The following KCNAB2 variants were observed in gnomAD, a reference collection of about 807,000 sequenced individuals.
The protein encoded by KCNAB2 is voltage-gated potassium channel subunit beta-2.
A neutral mutation model predicts 63.6 loss-of-function variants in KCNAB2; 29 were observed. The ratio of observed to expected loss-of-function variants is 0.46; its 90% confidence interval spans 0.34 to 0.62. The LOEUF is 0.62. Among genes scored for constraint, KCNAB2 ranks in the 20% least tolerant of loss-of-function variants. KCNAB2 has a pLI of 0.01. For missense variants in KCNAB2, 359 were observed against 563.9 expected (o/e 0.64, Z 3.68); for synonymous variants, 222 against 224.2 (o/e 0.99, Z 0.09).
chr1:6,051,783 T>G (rs1570963237), intron 2 of KCNAB2, 29 bp downstream of exon 2: 1 of 1,513,260 alleles, frequency 6.6e-7, no homozygotes, highest in Non-Finnish European at 8.8e-7. Context: ...GGCGGTGGGG[T>G]GGGAAGTCTG....
At chr1:6,002,539 C>G (rs1162584621) in intron 1 of KCNAB2, among the ~76,000 whole-genome samples, 1 of 152,252 alleles carries the variant, frequency 6.6e-6, no homozygotes, top group Non-Finnish European at 1.5e-5. Context: ...TCTGTCCCAG[C>G]CCCTGAACCG....
chr1:6,056,335 G>A (rs1381862587), intron 2 of KCNAB2, among the ~76,000 whole-genome samples: 3 of 152,158 alleles, frequency 2.0e-5, no homozygotes, highest in African/African-American at 7.2e-5. Context: ...GTGAGCCACC[G>A]CGCCCGGCCT....
At chr1:6,056,906 AAG>A (rs1661877152) in intron 2 of KCNAB2, among the ~76,000 whole-genome samples, 1 of 151,560 alleles carries the variant, frequency 6.6e-6, no homozygotes, top group Non-Finnish European at 1.5e-5. Context: ...AAGTCATCAG[AAG>A]CCCCTCTCCT....
chr1:6,057,661 G>A (rs920361420), intron 2 of KCNAB2, among the ~76,000 whole-genome samples: 3 of 152,140 alleles, frequency 2.0e-5, no homozygotes, highest in Admixed American at 6.5e-5. Flanking sequence ...AAAGTCCAAC[G>A]GCCAGGTGCA....
chr1:6,027,219 A>AGTGTGTGTGTGTGT (rs70981306), intron 1 of KCNAB2: 1 of 141,334 alleles, frequency 7.1e-6, no homozygotes, highest in Admixed American at 6.9e-5. Context: ...TGGGGGACAC[A>AGTGTGTGTGTGTGT]GTGTGTGTGT....
At position 6,074,596 on chromosome 1, in the gene KCNAB2, C is replaced by A. The variant is rs1011642844; in HGVS notation, c.300+826C>A. Reference sequence around the variant, plus strand: ...CTTGTTAGCTGCGATTGCTCAGTTTCCAAGGGAAAGCTTTGCTTCTATCAA... The same window carrying A: ...CTTGTTAGCTGCGATTGCTCAGTTTACAAGGGAAAGCTTTGCTTCTATCAA... On this transcript the variant is annotated intron_variant, in intron 4 of 15. Transcript: ENST00000378083. This position sits in a 1 kb window ranked among gnomAD's most constrained non-coding sequence, Gnocchi z 4.9. 1.3e-5 allele frequency among the ~76,000 whole-genome samples: 2 copies of A among 152,212 alleles called. No individual in the cohort carries two copies. The highest frequency in any genetic ancestry group is 4.8e-5 in the African/African-American group (2 of 41,458).
At chr1:6,041,444 G>A (rs934618159), upstream of KCNAB2, 4 of 224,516 alleles carry the variant, frequency 1.8e-5, no homozygotes, top group Non-Finnish European at 3.6e-5. Context: ...GCCAGCACGC[G>A]GGTGCTCTGC....
Position 6,099,879 on chromosome 1 carries a change from G to A in KCNAB2, c.*1305G>A, listed in dbSNP as rs749384129. ...GTGACGCCCCCGTGCAGCTTGGGCCGGAGGGCAAGGGATGCCAGTAAGTCT... is the reference window on the plus strand; with the variant it reads ...GTGACGCCCCCGTGCAGCTTGGGCCAGAGGGCAAGGGATGCCAGTAAGTCT... On this transcript the variant is annotated 3_prime_UTR_variant, in exon 16 of 16. Transcript: ENST00000378083. 48 of 1,550,062 alleles carry A rather than the reference G, an allele frequency of 3.1e-5. No individual in the cohort carries two copies. Among genetic ancestry groups the A allele is most frequent in the South Asian group, 2.0e-4 (17 of 84,034 alleles).
Position 6,091,996 on chromosome 1 carries a change from C to A in KCNAB2, c.646+689C>A, listed in dbSNP as rs76490622. Among the ~76,000 whole-genome samples the A allele has an allele frequency of 8.4e-3, 1,274 of 152,328 alleles. 26 individuals carry two copies. The highest frequency in any genetic ancestry group is 0.03 in the African/African-American group (1,230 of 41,584). On this transcript the variant is annotated intron_variant, in intron 10 of 15. Coordinates refer to ENST00000378083, the MANE Select transcript of KCNAB2 (RefSeq NM_001199862.2). ...CTCTGCCCTCCCCACAGCTAACGGC[C>A]CCAGGACCCCACCCCAAGGGCAGGT...
At chr1:6,030,324 C>T (rs1659495613), upstream of KCNAB2, among the ~76,000 whole-genome samples, 3 of 152,096 alleles carry the variant, frequency 2.0e-5, no homozygotes, top group Admixed American at 2.0e-4. Flanking sequence ...GCGTGCCTGT[C>T]CCATGATCAT....
upstream of KCNAB2, among the ~76,000 whole-genome samples, chr1:6,033,347 G>A (rs910370811): frequency 6.6e-6 from 1 of 151,598 alleles, no homozygotes; most frequent in Non-Finnish European, 1.5e-5. Flanking sequence ...GCATGTGTGT[G>A]TGTGCGTGTG....
In KCNAB2 at chr1:6,051,753, C is replaced by T. The variant is rs762932877; in HGVS notation, c.217C>T (p.Arg73Trp). ...CGCCCAGCGCACAGGCATGAAGTAT[C>T]GGTAAGGGCCGGGCAGGGGGGCGGT... is the stretch of plus-strand genomic sequence containing the variant. ...CTAQRTGMKYRNLGKSGLRVS... is the reference protein window; with the variant it reads ...CTAQRTGMKYWNLGKSGLRVS... Residue 73 changes from arginine to tryptophan, a missense_variant and splice_region_variant, in exon 2 of 16, where the codon CGG (arginine) becomes TGG (tryptophan). Transcript: ENST00000378083. The T allele has an allele frequency of 5.2e-5, 80 of 1,528,092 alleles. No individual in the cohort carries two copies. Among genetic ancestry groups the T allele is most frequent in the Middle Eastern group, 2.3e-4 (1 of 4,386 alleles). 94.7% of individuals were successfully genotyped at this position (1,528,092 alleles called of 1,614,324 possible).
chr1:6,051,875 G>A (rs1036784501), intron 2 of KCNAB2, 121 bp downstream of exon 2: 38 of 1,173,082 alleles, frequency 3.2e-5, no homozygotes, highest in African/African-American at 3.1e-5. Flanking sequence ...AGGCAGAGGC[G>A]GGTGGATCAC....
At chr1:6,088,408 ATATTTT>A (rs1557506019) in intron 7 of KCNAB2, among the ~76,000 whole-genome samples, 1 of 151,126 alleles carries the variant, frequency 6.6e-6, no homozygotes, top group African/African-American at 2.4e-5. Context: ...ATTTTTATTT[ATATTTT>A]TATTTTTGTA....
chr1:6,057,099 C>T (rs978678033), intron 2 of KCNAB2, among the ~76,000 whole-genome samples: 1 of 150,532 alleles, frequency 6.6e-6, no homozygotes, highest in African/African-American at 2.4e-5. Context: ...GCACATGTCT[C>T]GTTCGGGCTG....
Position 6,024,135 on chromosome 1 carries a change from TTTCACCA to T in KCNAB2, c.-52-16380_-52-16374del, listed in dbSNP as rs1213671105. Among the ~76,000 whole-genome samples the T allele has an allele frequency of 2.0e-5, 3 of 152,136 alleles. No homozygotes were observed. The highest frequency in any genetic ancestry group is 4.4e-5 in the Non-Finnish European group (3 of 68,040). On this transcript the variant is annotated intron_variant, in intron 1 of 16. Coordinates refer to the KCNAB2 transcript ENST00000341524. The surrounding 1 kb of genome is among the most constrained non-coding windows in gnomAD (Gnocchi z 5.4). ...TTTTGTATTTTTAGTAGAGACGGGG[TTTCACCA>T]TGTTGGTCAGGCTGGTCTCGAACTC...
rs569979142 is a variant in KCNAB2 at position 6,085,446 on chromosome 1, G to A, written c.425+198G>A. Among the ~76,000 whole-genome samples the A allele has an allele frequency of 9.9e-5, 15 of 152,178 alleles. No individual in the cohort carries two copies. In the East Asian group the frequency reaches 1.2e-3, roughly 12 times the overall value. Reference sequence around the variant, plus strand: ...TTGAGAAAGAAGTTGAAGGGAGGCCGAATACACTGTCCACCCCCACCCTAG... The same window carrying A: ...TTGAGAAAGAAGTTGAAGGGAGGCCAAATACACTGTCCACCCCCACCCTAG... On this transcript the variant is annotated intron_variant, in intron 6 of 15. Coordinates refer to ENST00000378083, the MANE Select transcript of KCNAB2 (RefSeq NM_001199862.2).
intron 5 of KCNAB2, among the ~76,000 whole-genome samples, chr1:6,082,701 C>T (rs1393942887): frequency 2.0e-5 from 3 of 152,200 alleles, no homozygotes; most frequent in Non-Finnish European, 4.4e-5. Flanking sequence ...TGGCGGTGAA[C>T]TTTCCTGCTC....
Position 6,087,879 on chromosome 1 carries a change from G to A in KCNAB2, c.470+368G>A, listed in dbSNP as rs951680210. On this transcript the variant is annotated intron_variant, in intron 7 of 15. Coordinates refer to ENST00000378083, the MANE Select transcript of KCNAB2 (RefSeq NM_001199862.2). The surrounding 1 kb of genome is among the most constrained non-coding windows in gnomAD (Gnocchi z 6.4). ...ATGGTAACATCATAAAAATTATAGA[G>A]AAAACAGAAAATTTGTGAACTGCCC... 2.0e-5 allele frequency among the ~76,000 whole-genome samples: 3 copies of A among 152,060 alleles called. No individual in the cohort carries two copies. Among genetic ancestry groups the A allele is most frequent in the African/African-American group, 7.2e-5 (3 of 41,392 alleles).
Sources: allele counts gnomAD v4.1 joint callset (sites outside exome capture counted in the v4.1 genomes callset), GRCh38; gene constraint gnomAD v4.1.1; non-coding constraint Gnocchi (gnomAD v3.1); transcripts MANE v1.5; gene names NCBI Gene and HGNC (gene_info 2026-07-23, HGNC 2026-07-21).